The following PTRH1 variants were observed in gnomAD, a reference collection of about 807,000 sequenced individuals.
PTRH1 encodes peptidyl-tRNA hydrolase 1 homolog, also known as peptidyl-tRNA hydrolase.
A neutral mutation model predicts 15.7 loss-of-function variants in PTRH1; 13 were observed. That is an observed-to-expected ratio of 0.83 (90% CI 0.54 to 1.31). PTRH1 has a LOEUF of 1.31. Among genes scored for constraint, PTRH1 ranks in the 40% most tolerant of loss-of-function variants. PTRH1 has a pLI of 0.00. For missense variants in PTRH1, 319 were observed against 296.2 expected (o/e 1.08, Z -0.56); for synonymous variants, 139 against 136.7 (o/e 1.02, Z -0.12).
intron 3 of PTRH1, 35 bp downstream of exon 3, chr9:127,714,568 G>T: frequency 6.2e-7 from 1 of 1,603,742 alleles, no homozygotes; most frequent in African/African-American, 1.3e-5. Flanking sequence ...GAGGCCTGAA[G>T]CCCTATCCCA....
chr9:127,710,754 G>A, downstream of PTRH1: 2 of 1,563,016 alleles, frequency 1.3e-6, no homozygotes, highest in Non-Finnish European at 1.7e-6. Flanking sequence ...GACAAGGACA[G>A]GTGGGCAAGC....
chr9:127,711,556 G>A (rs1842765485), downstream of PTRH1: 4 of 1,570,304 alleles, frequency 2.5e-6, no homozygotes, highest in Admixed American at 5.3e-5. Context: ...CCGCCCTGGG[G>A]GCCCTGCAGG....
intron 1 of PTRH1, among the ~76,000 whole-genome samples, chr9:127,698,257 G>GA (rs992017705): frequency 3.9e-5 from 6 of 152,016 alleles, no homozygotes; most frequent in East Asian, 1.9e-4. Context: ...ATCAAAACCA[G>GA]AAAAAATGGG....
At chr9:127,702,019 C>T (rs1335065355) in intron 1 of PTRH1, among the ~76,000 whole-genome samples, 1 of 151,680 alleles carries the variant, frequency 6.6e-6, no homozygotes, top group Non-Finnish European at 1.5e-5. Flanking sequence ...CCCAGAAGTT[C>T]GAGACGAGCC....
rs565746487 is a variant in PTRH1 at position 127,714,128 on chromosome 9, C to A, written c.617G>T (p.Arg206Leu). The A allele has an allele frequency of 1.2e-6, 2 of 1,613,512 alleles. No individual in the cohort carries two copies. Among genetic ancestry groups the A allele is most frequent in the Non-Finnish European group, 1.7e-6 (2 of 1,179,912 alleles). ...TDLILDHIRE[R>L]SQGPSLGP The stretch of plus-strand genomic sequence containing the variant: ...CGGCCCCAGTGAGGGCCCCTGGCTT[C>A]GCTCACGGATGTGGTCCAAGATCAG... The change falls in exon 5 of 5, where the codon CGA (arginine) becomes CTA (leucine). Residue 206 changes from arginine (R) to leucine (L), a missense_variant. Transcript: ENST00000543175.
downstream of PTRH1, chr9:127,712,248 T>C (rs533954528): frequency 8.7e-6 from 14 of 1,614,016 alleles, no homozygotes; most frequent in East Asian, 8.9e-5. Flanking sequence ...GCAGGTGGAT[T>C]TGCAGCGGCT....
chr9:127,713,435 C>T (rs1281984456), downstream of PTRH1: 7 of 483,608 alleles, frequency 1.4e-5, no homozygotes, highest in South Asian at 4.2e-5. Context: ...TTCCCTCCCC[C>T]ACCAGCAGGG....
chr9:127,711,551 C>T, downstream of PTRH1: 3 of 1,575,334 alleles, frequency 1.9e-6, no homozygotes, highest in Non-Finnish European at 2.6e-6. Flanking sequence ...GGAGGCCGCC[C>T]TGGGGGCCCT....
At chr9:127,702,116 G>A (rs1381473136) in intron 1 of PTRH1, among the ~76,000 whole-genome samples, 3 of 152,062 alleles carry the variant, frequency 2.0e-5, no homozygotes, top group Non-Finnish European at 2.9e-5. Context: ...GCTCATGCCT[G>A]TAATCCCAGC....
chr9:127,704,909 T>G (rs1217049553), intron 1 of PTRH1, among the ~76,000 whole-genome samples: 1 of 151,964 alleles, frequency 6.6e-6, no homozygotes, highest in African/African-American at 2.4e-5. Flanking sequence ...CCACCAGGCC[T>G]GGTTAATTTT....
downstream of PTRH1, chr9:127,711,189 C>G (rs773217394): frequency 6.3e-7 from 1 of 1,598,932 alleles, no homozygotes; most frequent in Non-Finnish European, 8.5e-7. Context: ...GGCTTGTGCC[C>G]GCTCTGTCTG....
downstream of PTRH1, chr9:127,712,535 T>G: frequency 6.6e-7 from 1 of 1,506,226 alleles, no homozygotes; most frequent in Non-Finnish European, 8.9e-7. Context: ...GGAGCTGGAT[T>G]CCTTCTCTGA....
chr9:127,695,083 A>ATGG, exon 2 of PTRH1: 2 of 701,122 alleles, frequency 2.9e-6, no homozygotes, highest in Non-Finnish European at 5.2e-6. Flanking sequence ...GATGATGATG[A>ATGG]TGATGATGAT....
chr9:127,696,533 A>G (rs1406312536), intron 1 of PTRH1, among the ~76,000 whole-genome samples: 1 of 152,158 alleles, frequency 6.6e-6, no homozygotes, highest in East Asian at 1.9e-4. Flanking sequence ...ATTTAAACAC[A>G]GCCGTCTGAC....
At chr9:127,710,574 T>A (rs370956723), downstream of PTRH1, 52 of 1,564,268 alleles carry the variant, frequency 3.3e-5, no homozygotes, top group Middle Eastern at 7.4e-4. Context: ...CAGCCCATCA[T>A]TGGGCCTTGT....
chr9:127,707,820 C>T (rs775117728), intron 1 of PTRH1, among the ~76,000 whole-genome samples: 2 of 152,156 alleles, frequency 1.3e-5, no homozygotes, highest in Non-Finnish European at 2.9e-5. Flanking sequence ...TGTGAGGCAC[C>T]GCCCCAGTCT....
Position 127,714,284 on chromosome 9 carries a change from TGTGGGAGAGCCA to T in PTRH1, c.463-14_463-3del. On this transcript the variant is annotated splice_polypyrimidine_tract_variant and splice_region_variant and intron_variant, in intron 4 of 4. Coordinates refer to ENST00000543175, the MANE Select transcript of PTRH1 (RefSeq NM_001002913.3). Reference sequence around the variant, plus strand: ...ACCCACCCGCAGCCTTGGCATTGCCTGTGGGAGAGCCAGAGAGGCCCAGGAAGCTTTGGCGAG... The same window carrying T: ...ACCCACCCGCAGCCTTGGCATTGCCTGAGAGGCCCAGGAAGCTTTGGCGAG... The T allele has an allele frequency of 6.2e-7, 1 of 1,613,992 alleles. No individual in the cohort carries two copies. Among genetic ancestry groups the T allele is most frequent in the Non-Finnish European group, 8.5e-7 (1 of 1,179,912 alleles).
downstream of PTRH1, chr9:127,709,645 G>A (rs372752418): frequency 2.5e-5 from 40 of 1,613,648 alleles, no homozygotes; most frequent in African/African-American, 1.2e-4. This position sits in a 1 kb window ranked among gnomAD's most constrained non-coding sequence, Gnocchi z 4.7. Flanking sequence ...GGTGCGCCAC[G>A]AGTTCCAGGA....
In PTRH1 at chr9:127,715,647, C is replaced by T. The variant is rs200545038; in HGVS notation, c.-8G>A. 6.2e-7 allele frequency: 1 copy of T among 1,610,460 alleles called. No individual in the cohort carries two copies. On this transcript the variant is annotated 5_prime_UTR_variant, in exon 1 of 5. Coordinates refer to ENST00000543175, the MANE Select transcript of PTRH1 (RefSeq NM_001002913.3). This position sits in a 1 kb window ranked among gnomAD's most constrained non-coding sequence, Gnocchi z 5.8. ...AAAGCCGCCCGGCCTCATGCTGCCC[C>T]CATTCACTCCGACACCGCCCCCTGA...
Sources: allele counts gnomAD v4.1 joint callset (sites outside exome capture counted in the v4.1 genomes callset), GRCh38; gene constraint gnomAD v4.1.1; non-coding constraint Gnocchi (gnomAD v3.1); transcripts MANE v1.5; gene names NCBI Gene and HGNC (gene_info 2026-07-23, HGNC 2026-07-21).